ZNF469: variants seen among roughly 807,000 people sequenced by gnomAD.
ZNF469 encodes the protein zinc finger protein 469.
ZNF469 carries 1 observed loss-of-function variant against 1.0 expected under a neutral mutation model. The observed-to-expected ratio is 1.00, with a 90% CI of 0.35 to 4.73. The LOEUF is 4.73. Among genes scored for constraint, ZNF469 ranks in the 30% most tolerant of loss-of-function variants. ZNF469 has a pLI of 0.16. For missense variants in ZNF469, 6,100 were observed against 5,356.3 expected, an observed-to-expected ratio of 1.14 and a Z score of -4.33; for synonymous variants, 2,703 against 2,363.4, an observed-to-expected ratio of 1.14 and a Z score of -4.17.
At chr16:88,364,985 G>A in the ZNF469 span, among the ~76,000 whole-genome samples, 889 of 152,210 alleles carry the variant, frequency 5.8e-3, 13 homozygotes, top group African/African-American at 0.02. Context: ...AAATAAATGA[G>A]TGAATAAAAA....
the ZNF469 span, among the ~76,000 whole-genome samples, chr16:88,108,613 C>T: frequency 6.3e-3 from 955 of 152,312 alleles, 8 homozygotes; most frequent in African/African-American, 0.021. Context: ...ACTCTCGGCT[C>T]AAGGGTCCCC....
intron 1 of ZNF469, among the ~76,000 whole-genome samples, chr16:88,402,950 C>G (rs1395320217): frequency 6.6e-6 from 1 of 152,234 alleles, no homozygotes. Flanking sequence ...CAGGAACACC[C>G]CATCAAAAGG....
chr16:88,167,938 T>A, the ZNF469 span, among the ~76,000 whole-genome samples: 1 of 152,224 alleles, frequency 6.6e-6, no homozygotes, highest in South Asian at 2.1e-4. Flanking sequence ...GCCAGGCGTC[T>A]TGAACACTGC....
rs1450852177 is a variant in ZNF469, at chr16:88,430,352, G to C, written c.2882G>C (p.Gly961Ala). ...LKLFRKDLDS[G>A]GAAEGSGSGG... ...CTGTTCCGGAAGGATCTGGACTCGG[G>C]CGGCGCAGCAGAGGGGTCGGGGTCG... is the stretch of plus-strand genomic sequence containing the variant. The change falls in exon 3 of 3, where the codon GGC becomes GCC. Residue 961 changes from glycine (G) to alanine (A), a missense_variant. Physicochemically the swap from Gly to Ala is moderately conservative, Grantham distance 60 (BLOSUM62 0). Transcript: ENST00000565624. 2 of 1,513,154 alleles carry C rather than the reference G, an allele frequency of 1.3e-6. No individual in the cohort carries two copies. Among genetic ancestry groups the C allele is most frequent in the African/African-American group, 2.8e-5 (2 of 72,244 alleles). The allele number at this position is 1,513,154 out of a possible 1,614,324, so 93.7% of individuals were successfully genotyped here.
At chr16:88,115,470 C>T in the ZNF469 span, among the ~76,000 whole-genome samples, 7 of 151,946 alleles carry the variant, frequency 4.6e-5, no homozygotes, top group South Asian at 2.1e-4. Context: ...GCACATGACC[C>T]GGTCCCCTCC....
At chr16:88,248,524 C>G in the ZNF469 span, among the ~76,000 whole-genome samples, 1 of 143,504 alleles carries the variant, frequency 7.0e-6, no homozygotes, top group Non-Finnish European at 1.5e-5. Context: ...ATAGTGAGAC[C>G]CCTGTCTCAA....
chr16:88,207,774 A>G, the ZNF469 span, among the ~76,000 whole-genome samples: 107,910 of 135,142 alleles, frequency 0.8, 44,524 homozygotes, highest in Middle Eastern at 0.86. Flanking sequence ...CTCCTCTCCT[A>G]TCTGAAATCT....
At chr16:88,254,255 A>T in the ZNF469 span, among the ~76,000 whole-genome samples, 1 of 152,216 alleles carries the variant, frequency 6.6e-6, no homozygotes, top group Non-Finnish European at 1.5e-5. Context: ...TGCACCATTT[A>T]TTAAAAAGTC....
chr16:88,249,880 G>A, the ZNF469 span, among the ~76,000 whole-genome samples: 1,343 of 152,282 alleles, frequency 8.8e-3, 28 homozygotes, highest in East Asian at 0.052. Flanking sequence ...CCTGCTTCTA[G>A]ATCATGTGTG....
chr16:88,273,174 T>G, the ZNF469 span, among the ~76,000 whole-genome samples: 3 of 152,104 alleles, frequency 2.0e-5, no homozygotes, highest in Non-Finnish European at 2.9e-5. Flanking sequence ...GATAGATAGA[T>G]GGATGGGTGA....
At position 88,434,297 on chromosome 16, in the gene ZNF469, C is replaced by A. The variant is rs749410217; in HGVS notation, c.6827C>A (p.Ala2276Asp). 1 of 1,550,270 alleles carries A rather than the reference C, an allele frequency of 6.5e-7. No individual in the cohort carries two copies. Among genetic ancestry groups the A allele is most frequent in the Non-Finnish European group, 8.7e-7 (1 of 1,146,984 alleles). Residue 2276 changes from alanine (A) to aspartate (D), a missense_variant, in exon 3 of 3, where the codon GCC becomes GAC. Ala to Asp is a moderately radical substitution (Grantham distance 126). Coordinates refer to ENST00000565624, the MANE Select transcript of ZNF469 (RefSeq NM_001367624.2). Reference protein sequence around the residue: ...GRATSPPLAGAVSPSVAVRAT... With the variant: ...GRATSPPLAGDVSPSVAVRAT... ...GCCACCTCTCCTCCTCTGGCAGGGG[C>A]CGTCTCCCCCAGCGTGGCCGTCAGG... is the stretch of plus-strand genomic sequence containing the variant.
At chr16:88,289,625 G>A in the ZNF469 span, among the ~76,000 whole-genome samples, 1 of 152,120 alleles carries the variant, frequency 6.6e-6, no homozygotes, top group African/African-American at 2.4e-5. Flanking sequence ...AAGAAGCTGA[G>A]AGAGAGAGAA....
the ZNF469 span, among the ~76,000 whole-genome samples, chr16:88,260,809 G>A: frequency 2.0e-5 from 3 of 152,198 alleles, no homozygotes; most frequent in African/African-American, 4.8e-5. This position sits in a 1 kb window ranked among gnomAD's most constrained non-coding sequence, Gnocchi z 4.1. Flanking sequence ...AGGATCTTGA[G>A]ATGGAAAGAT....
chr16:88,409,859 T>G (rs1170257249), intron 1 of ZNF469, among the ~76,000 whole-genome samples: 2 of 18,406 alleles, frequency 1.1e-4, no homozygotes, highest in African/African-American at 2.5e-4. Flanking sequence ...GTGGTGGCCA[T>G]CTTGGCCGGG....
chr16:88,240,432 C>T, the ZNF469 span, among the ~76,000 whole-genome samples: 2 of 152,144 alleles, frequency 1.3e-5, no homozygotes, highest in African/African-American at 4.8e-5. Context: ...CCCAGGGCTG[C>T]GTGGGGAGGC....
At chr16:88,283,762 A>C in the ZNF469 span, among the ~76,000 whole-genome samples, 3 of 152,082 alleles carry the variant, frequency 2.0e-5, no homozygotes, top group Admixed American at 6.5e-5. Context: ...GTAGACCCCG[A>C]GTCTGCCCGA....
upstream of ZNF469, among the ~76,000 whole-genome samples, chr16:88,379,069 G>A (rs753688956): frequency 3.3e-5 from 5 of 152,296 alleles, no homozygotes; most frequent in South Asian, 6.2e-4. Context: ...GAGGCTTCTC[G>A]TGCCTCCCCC....
chr16:88,157,168 C>G, the ZNF469 span, among the ~76,000 whole-genome samples: 2 of 151,280 alleles, frequency 1.3e-5, no homozygotes, highest in African/African-American at 2.4e-5. Context: ...CCGGCGCCAC[C>G]GAGGGACATG....
At chr16:88,418,459 G>A (rs1905361826) in intron 1 of ZNF469, among the ~76,000 whole-genome samples, 3 of 152,164 alleles carry the variant, frequency 2.0e-5, no homozygotes, top group Non-Finnish European at 2.9e-5. Context: ...GAGGGGGGCT[G>A]CCGTTCTTGC....
Sources: allele counts gnomAD v4.1 joint callset (sites outside exome capture counted in the v4.1 genomes callset), GRCh38; gene constraint gnomAD v4.1.1; non-coding constraint Gnocchi (gnomAD v3.1); transcripts MANE v1.5; gene names NCBI Gene and HGNC (gene_info 2026-07-23, HGNC 2026-07-21).